Variants in FSTL5 observed in about 807,000 individuals in gnomAD.
FSTL5 encodes the protein follistatin-related protein 5.
A neutral mutation model predicts 89.1 loss-of-function variants in FSTL5; 62 were observed. That is an observed-to-expected ratio of 0.70 (90% CI 0.57 to 0.86). FSTL5 has a LOEUF of 0.86. FSTL5 is among the 40% of genes least tolerant of loss of function. FSTL5 has a pLI of 0.00. For synonymous variants in FSTL5, 383 were observed against 346.2 expected, an observed-to-expected ratio of 1.11 and a Z score of -1.18; for missense variants, 1,057 against 1,001.6, an observed-to-expected ratio of 1.06 and a Z score of -0.75.
chr4:161,787,268 T>C (rs1181906292), intron 4 of FSTL5, among the ~76,000 whole-genome samples: 1 of 152,118 alleles, frequency 6.6e-6, no homozygotes, highest in Non-Finnish European at 1.5e-5. Context: ...AAATATAATT[T>C]GGTTGCTTTG....
At chr4:161,527,000 G>C (rs1057464819) in intron 10 of FSTL5, among the ~76,000 whole-genome samples, 1 of 152,116 alleles carries the variant, frequency 6.6e-6, no homozygotes, top group Non-Finnish European at 1.5e-5. Context: ...TAGCTTGATG[G>C]GGATGGCATT....
chr4:162,047,153 T>C (rs1301241406), intron 2 of FSTL5, among the ~76,000 whole-genome samples: 1 of 152,064 alleles, frequency 6.6e-6, no homozygotes, highest in African/African-American at 2.4e-5. Flanking sequence ...CATAAGGAGA[T>C]AAACAGAAAG....
intron 4 of FSTL5, among the ~76,000 whole-genome samples, chr4:161,878,603 C>T (rs182704657): frequency 2.0e-5 from 3 of 151,714 alleles, no homozygotes; most frequent in East Asian, 1.9e-4. Flanking sequence ...GAAAATACAA[C>T]GTTAGAATTG....
chr4:161,413,237 C>T, intron 15 of FSTL5, among the ~76,000 whole-genome samples: 1 of 26,664 alleles, frequency 3.8e-5, no homozygotes, highest in Non-Finnish European at 7.3e-5. Context: ...GGGCAAAGGA[C>T]ATGAATAGAC....
intron 3 of FSTL5, among the ~76,000 whole-genome samples, chr4:161,925,475 T>C (rs1734096217): frequency 6.6e-6 from 1 of 151,946 alleles, no homozygotes; most frequent in Non-Finnish European, 1.5e-5. Context: ...ACTACATGTA[T>C]GATTTTTAGG....
intron 8 of FSTL5, among the ~76,000 whole-genome samples, chr4:161,566,153 C>CAA (rs1732808610): frequency 7.3e-6 from 1 of 137,118 alleles, no homozygotes; most frequent in Non-Finnish European, 1.5e-5. Flanking sequence ...CACACACACA[C>CAA]ACCGTGGAAT....
At chr4:161,500,431 A>G (rs1730255295) in intron 11 of FSTL5, among the ~76,000 whole-genome samples, 1 of 152,184 alleles carries the variant, frequency 6.6e-6, no homozygotes, top group African/African-American at 2.4e-5. Flanking sequence ...TACATAGATT[A>G]TCTTGGATAC....
intron 8 of FSTL5, among the ~76,000 whole-genome samples, chr4:161,579,737 A>C (rs973331601): frequency 2.9e-5 from 3 of 104,498 alleles, no homozygotes; most frequent in East Asian, 5.1e-4. Flanking sequence ...CAAACAAAAA[A>C]AAAAAAAGAA....
chr4:161,590,956 TATGCAA>T (rs1332353204), intron 7 of FSTL5, among the ~76,000 whole-genome samples: 1 of 152,226 alleles, frequency 6.6e-6, no homozygotes, highest in Non-Finnish European at 1.5e-5. Context: ...TATACTATTG[TATGCAA>T]ATGTATGCAA....
At chr4:161,503,929 T>G (rs1243824190) in intron 11 of FSTL5, among the ~76,000 whole-genome samples, 1 of 151,936 alleles carries the variant, frequency 6.6e-6, no homozygotes, top group East Asian at 1.9e-4. Flanking sequence ...GTCATTCACA[T>G]TTTTTCTTGT....
At chr4:161,843,864 C>T (rs1304798045) in intron 4 of FSTL5, among the ~76,000 whole-genome samples, 3 of 152,126 alleles carry the variant, frequency 2.0e-5, no homozygotes, top group Non-Finnish European at 4.4e-5. Flanking sequence ...CTAGGCAATA[C>T]CATTCAGGAC....
chr4:161,915,622 T>C (rs1034995468), intron 4 of FSTL5, among the ~76,000 whole-genome samples: 2 of 152,136 alleles, frequency 1.3e-5, no homozygotes, highest in Non-Finnish European at 2.9e-5. Context: ...AAATTGTTTT[T>C]GATGTTGTGG....
At chr4:161,609,944 A>C (rs918905009) in intron 7 of FSTL5, among the ~76,000 whole-genome samples, 2 of 152,182 alleles carry the variant, frequency 1.3e-5, no homozygotes, top group African/African-American at 4.8e-5. Flanking sequence ...ATGCAAAAAC[A>C]TGAGGGACTC....
intron 13 of FSTL5, among the ~76,000 whole-genome samples, chr4:161,460,394 C>A (rs570559312): frequency 9.0e-5 from 10 of 110,640 alleles, no homozygotes; most frequent in African/African-American, 3.0e-4. Flanking sequence ...CCCCCTCCCC[C>A]CACCTCACAA....
chr4:161,426,652 G>A (rs1354705055), intron 15 of FSTL5, among the ~76,000 whole-genome samples: 3 of 152,064 alleles, frequency 2.0e-5, no homozygotes, highest in Non-Finnish European at 4.4e-5. Flanking sequence ...GAGTGCAGTG[G>A]CACAGTCTGG....
At chr4:161,493,138 G>T (rs1729941575) in intron 12 of FSTL5, among the ~76,000 whole-genome samples, 1 of 151,606 alleles carries the variant, frequency 6.6e-6, no homozygotes, top group East Asian at 1.9e-4. Context: ...TAAATGAAAA[G>T]TTTTAGAAAT....
intron 10 of FSTL5, among the ~76,000 whole-genome samples, chr4:161,521,838 G>A (rs1467159775): frequency 1.9e-5 from 2 of 104,222 alleles, no homozygotes; most frequent in Non-Finnish European, 3.4e-5. Flanking sequence ...GACAGAGCAG[G>A]ACTCCACCTC....
At chr4:161,960,027 C>T (rs921920749) in intron 3 of FSTL5, among the ~76,000 whole-genome samples, 1 of 151,950 alleles carries the variant, frequency 6.6e-6, no homozygotes, top group African/African-American at 2.4e-5. Context: ...TAGATACATG[C>T]TTATTATCTA....
At chr4:161,543,034 C>T (rs1021935941) in intron 8 of FSTL5, among the ~76,000 whole-genome samples, 3 of 150,988 alleles carry the variant, frequency 2.0e-5, no homozygotes, top group African/African-American at 7.3e-5. Flanking sequence ...AATTTGAGCA[C>T]TGAAATAATT....
Sources: allele counts gnomAD v4.1 joint callset (sites outside exome capture counted in the v4.1 genomes callset), GRCh38; gene constraint gnomAD v4.1.1; transcripts MANE v1.5; gene names NCBI Gene and HGNC (gene_info 2026-07-23, HGNC 2026-07-21).